EPHA5: variants seen among roughly 807,000 people sequenced by gnomAD.
EPHA5 encodes the protein EPH receptor A5, also known as ephrin type-A receptor 5.
Under a neutral mutation model 105.0 loss-of-function variants are expected in EPHA5, and 60 were observed. The observed-to-expected ratio is 0.57, with a 90% CI of 0.46 to 0.71. The LOEUF is 0.71. Ranked by LOEUF, EPHA5 falls within the 30% of genes least tolerant of loss-of-function variation. The pLI, the probability that EPHA5 is intolerant of heterozygous loss-of-function variation, is 0.00. For missense variants in EPHA5, 1,218 were observed against 1,274.7 expected (o/e 0.96, Z 0.68); for synonymous variants, 513 against 449.1 (o/e 1.14, Z -1.80).
chr4:65,631,535 T>C (rs568040760), intron 2 of EPHA5, among the ~76,000 whole-genome samples: 1 of 152,166 alleles, frequency 6.6e-6, no homozygotes, highest in African/African-American at 2.4e-5. Flanking sequence ...AAAAGCTTTT[T>C]AGTAACTTTC....
At chr4:65,616,915 T>A (rs1042283082) in intron 2 of EPHA5, among the ~76,000 whole-genome samples, 1 of 152,102 alleles carries the variant, frequency 6.6e-6, no homozygotes, top group African/African-American at 2.4e-5. Flanking sequence ...TTGCAAGATA[T>A]TAAGTTGAAA....
At position 65,319,752 on chromosome 4, in the gene EPHA5, A is replaced by G. The variant is rs1011504140; in HGVS notation, c.*4362T>C. 6.6e-5 allele frequency: 15 copies of G among 227,510 alleles called. No homozygotes were observed. Among genetic ancestry groups the G allele is most frequent in the African/African-American group, 2.9e-4 (13 of 45,008 alleles). The allele number at this position is 227,510 out of a possible 1,614,324, so 14.1% of individuals were successfully genotyped here. On this transcript the variant is annotated 3_prime_UTR_variant, in exon 17 of 17. Coordinates refer to ENST00000613740, the MANE Select transcript of EPHA5 (RefSeq NM_001281766.3). ...AGCCTGATGTATATCATAGAATAAG[A>G]TATGCTATATAGCTGCTTCTGACAT...
At chr4:65,601,264 C>G (rs548498886) in intron 3 of EPHA5, among the ~76,000 whole-genome samples, 2 of 151,896 alleles carry the variant, frequency 1.3e-5, no homozygotes, top group East Asian at 3.9e-4. Context: ...TTTTATACAG[C>G]AAATAAAGAG....
At chr4:65,410,727 T>C (rs1429805820) in intron 7 of EPHA5, among the ~76,000 whole-genome samples, 1 of 152,196 alleles carries the variant, frequency 6.6e-6, no homozygotes, top group Admixed American at 6.6e-5. Flanking sequence ...TCTGTATTGC[T>C]GTTACAATTA....
rs2149571115 is a variant in EPHA5, at chr4:65,669,619, T to C, written c.124A>G (p.Thr42Ala). ...AGTGCGGCGCACAGGAGAAGGCACG[T>C]CCAGAGGGGAGCCCGTCGAGGTGCA... is the stretch of plus-strand genomic sequence containing the variant. ...YSAPRRAPLW[T>A]CLLLCAALRT... The change falls in exon 1 of 17, where the codon ACG becomes GCG. Residue 42 changes from threonine to alanine, a missense_variant. By Grantham distance (58) the Thr-to-Ala change is moderately conservative. Transcript: ENST00000613740. 1 of 1,423,000 alleles carries C rather than the reference T, an allele frequency of 7.0e-7. No homozygotes were observed. The highest frequency in any genetic ancestry group is 9.2e-7 in the Non-Finnish European group (1 of 1,081,962). The allele number at this position is 1,423,000 out of a possible 1,614,324, so 88.1% of individuals were successfully genotyped here.
chr4:65,484,444 C>T (rs1008075473), intron 5 of EPHA5, among the ~76,000 whole-genome samples: 4 of 152,074 alleles, frequency 2.6e-5, no homozygotes, highest in African/African-American at 9.7e-5. Context: ...TAACACCTAC[C>T]TTGGTGTTAT....
chr4:65,402,292 T>C (rs938365800), intron 8 of EPHA5, among the ~76,000 whole-genome samples: 1 of 152,252 alleles, frequency 6.6e-6, no homozygotes, highest in African/African-American at 2.4e-5. Flanking sequence ...CAGTTCTTCA[T>C]AGCAGTGTGA....
In EPHA5 at chr4:65,643,443, C is replaced by T. The variant is rs1560813146; in HGVS notation, c.182-16G>A. On this transcript the variant is annotated splice_polypyrimidine_tract_variant and intron_variant, in intron 1 of 16. Coordinates refer to ENST00000613740, the MANE Select transcript of EPHA5 (RefSeq NM_001281766.3). ...AATAAATTCACTGAAAAGAAAAGAA[C>T]AAAAAACTCAGTGAAATGTATATTA... 2 of 1,603,174 alleles carry T rather than the reference C, an allele frequency of 1.2e-6. No homozygotes were observed. The highest frequency in any genetic ancestry group is 1.7e-6 in the Non-Finnish European group (2 of 1,171,118).
At chr4:65,501,176 A>G (rs939747566) in intron 3 of EPHA5, among the ~76,000 whole-genome samples, 2 of 151,546 alleles carry the variant, frequency 1.3e-5, no homozygotes, top group African/African-American at 4.8e-5. Flanking sequence ...CATATTTTAT[A>G]TAGTATAAAT....
At chr4:65,466,539 A>T (rs571793988) in intron 5 of EPHA5, among the ~76,000 whole-genome samples, 158 of 152,204 alleles carry the variant, frequency 1.0e-3, no homozygotes, top group Middle Eastern at 3.2e-3. Context: ...ATTAAAAATA[A>T]ACTGTAGAGA....
intron 5 of EPHA5, among the ~76,000 whole-genome samples, chr4:65,453,641 T>C (rs377569970): frequency 3.3e-5 from 5 of 152,156 alleles, no homozygotes; most frequent in Non-Finnish European, 5.9e-5. Flanking sequence ...CAAGTAAGCA[T>C]GTGTACAACT....
intron 1 of EPHA5, 118 bp from the exon 2 acceptor site, chr4:65,643,545 T>C: frequency 1.4e-6 from 1 of 729,874 alleles, no homozygotes; most frequent in Non-Finnish European, 2.4e-6. Context: ...TAAGTGTTCA[T>C]TATGATGAAT....
intron 2 of EPHA5, among the ~76,000 whole-genome samples, chr4:65,634,660 A>G: frequency 6.6e-6 from 1 of 152,064 alleles, no homozygotes; most frequent in East Asian, 1.9e-4. Flanking sequence ...TGGCATTTGC[A>G]TTATATATTA....
intron 3 of EPHA5, among the ~76,000 whole-genome samples, chr4:65,581,285 G>A (rs1282341932): frequency 3.3e-5 from 5 of 151,720 alleles, no homozygotes; most frequent in African/African-American, 4.8e-5. Context: ...TCTTTTTCAC[G>A]TATACATGAA....
At chr4:65,655,246 GTT>G (rs1305712704) in intron 1 of EPHA5, among the ~76,000 whole-genome samples, 3 of 151,902 alleles carry the variant, frequency 2.0e-5, no homozygotes, top group Non-Finnish European at 4.4e-5. Context: ...AATATACACT[GTT>G]TTTTTGAAGT....
chr4:65,598,666 C>A (rs549166265), intron 3 of EPHA5, among the ~76,000 whole-genome samples: 1 of 152,158 alleles, frequency 6.6e-6, no homozygotes, highest in African/African-American at 2.4e-5. Context: ...CTTGATTTAG[C>A]CTTGATTGAT....
chr4:65,553,818 A>G (rs1184756132), intron 3 of EPHA5, among the ~76,000 whole-genome samples: 1 of 152,052 alleles, frequency 6.6e-6, no homozygotes, highest in Non-Finnish European at 1.5e-5. Context: ...AGTTGCCTAA[A>G]AATTTAAATA....
intron 5 of EPHA5, among the ~76,000 whole-genome samples, chr4:65,439,271 G>A (rs572704466): frequency 7.2e-5 from 11 of 152,214 alleles, no homozygotes; most frequent in African/African-American, 2.6e-4. Context: ...TTTATATTTT[G>A]TAAGGTAAAT....
At chr4:65,331,047 A>T in intron 16 of EPHA5, 1 of 1,044,120 alleles carries the variant, frequency 9.6e-7, no homozygotes, top group South Asian at 4.6e-5. Context: ...AGAACTGCTC[A>T]ATGTTCATAT....
Sources: gnomAD v4.1 joint callset for allele counts (sites outside exome capture counted in the v4.1 genomes callset) on GRCh38, gnomAD v4.1.1 for gene constraint, MANE v1.5 for transcripts, NCBI Gene and HGNC (gene_info 2026-07-23, HGNC 2026-07-21) for gene names.